CSMD1: variants seen among roughly 807,000 people sequenced by gnomAD.
CSMD1 encodes CUB and Sushi multiple domains 1.
Under a neutral mutation model 417.5 loss-of-function variants are expected in CSMD1, and 213 were observed. That is an observed-to-expected ratio of 0.51 (90% CI 0.46 to 0.57). The LOEUF is 0.57. Among genes scored for constraint, CSMD1 ranks in the 20% least tolerant of loss-of-function variants. CSMD1 has a pLI of 0.00. For missense variants in CSMD1, 6,923 were observed against 4,529.7 expected (o/e 1.53, Z -15.17); for synonymous variants, 2,862 against 1,736.8 (o/e 1.65, Z -16.11).
chr8:4,446,476 G>C (rs1170441042), intron 2 of CSMD1, among the ~76,000 whole-genome samples: 2 of 152,164 alleles, frequency 1.3e-5, no homozygotes, highest in Non-Finnish European at 2.9e-5. Flanking sequence ...GAACTTGGGA[G>C]ACTGAGGCTG....
chr8:4,693,780 C>G (rs5017467), intron 1 of CSMD1, among the ~76,000 whole-genome samples: 4 of 148,366 alleles, frequency 2.7e-5, no homozygotes, highest in African/African-American at 5.0e-5. Flanking sequence ...AGGCTCAAGC[C>G]ATTCTCCTGC....
At chr8:4,786,784 T>C (rs1450780577) in intron 1 of CSMD1, among the ~76,000 whole-genome samples, 2 of 152,186 alleles carry the variant, frequency 1.3e-5, no homozygotes, top group East Asian at 3.9e-4. Flanking sequence ...ACTTCAAGCA[T>C]GCATACATAG....
chr8:4,857,819 G>A (rs986966614), intron 1 of CSMD1, among the ~76,000 whole-genome samples: 10 of 152,000 alleles, frequency 6.6e-5, no homozygotes, highest in South Asian at 4.2e-4. Flanking sequence ...ATTCACAGCC[G>A]AATTCCACCA....
chr8:3,291,303 C>G (rs946581360), intron 25 of CSMD1, among the ~76,000 whole-genome samples: 6 of 152,096 alleles, frequency 3.9e-5, no homozygotes, highest in Non-Finnish European at 7.4e-5. Context: ...TGTTGTGTCT[C>G]TGTCAGGCTT....
At position 3,747,800 on chromosome 8, in the gene CSMD1, T is replaced by C. The variant is rs186190584; in HGVS notation, c.931+6130A>G. Among the ~76,000 whole-genome samples, 110 of 152,292 alleles carry C rather than the reference T, an allele frequency of 7.2e-4. 1 individual carries two copies. In the East Asian group the frequency reaches 0.014, roughly 20 times the overall value. On this transcript the variant is annotated intron_variant, in intron 6 of 69. Coordinates refer to ENST00000635120, the MANE Select transcript of CSMD1 (RefSeq NM_033225.6). ...CACCAATAGTGCAAAAAAAAAGTCA[T>C]TGTTTTGTTCTTTATGTTTTAAAAT...
intron 5 of CSMD1, among the ~76,000 whole-genome samples, chr8:3,771,973 C>G (rs1192602920): frequency 6.6e-6 from 1 of 151,986 alleles, no homozygotes; most frequent in Non-Finnish European, 1.5e-5. Context: ...GCAATTACAG[C>G]ATTTATCCAA....
chr8:4,703,966 T>C (rs137979201), intron 1 of CSMD1, among the ~76,000 whole-genome samples: 1 of 152,246 alleles, frequency 6.6e-6, no homozygotes, highest in East Asian at 1.9e-4. Context: ...CCCTCACACA[T>C]GCAGTTCACA....
At chr8:4,436,854 C>T (rs1054291756) in intron 2 of CSMD1, among the ~76,000 whole-genome samples, 13 of 152,168 alleles carry the variant, frequency 8.5e-5, no homozygotes, top group Non-Finnish European at 7.3e-5. Flanking sequence ...GAATCTCATC[C>T]TTTTTGTGGC....
At chr8:4,621,509 G>C (rs1341707106) in intron 2 of CSMD1, among the ~76,000 whole-genome samples, 3 of 152,050 alleles carry the variant, frequency 2.0e-5, no homozygotes, top group Non-Finnish European at 2.9e-5. Context: ...CCAGAAGAAA[G>C]AGACAATCTA....
intron 10 of CSMD1, among the ~76,000 whole-genome samples, chr8:3,561,931 G>C (rs1277490676): frequency 6.6e-6 from 1 of 152,216 alleles, no homozygotes; most frequent in Non-Finnish European, 1.5e-5. Context: ...GAGGGATGCA[G>C]ATGATCTCCC....
chr8:4,507,434 A>C (rs1020241713), intron 2 of CSMD1, among the ~76,000 whole-genome samples: 4 of 152,176 alleles, frequency 2.6e-5, no homozygotes, highest in Non-Finnish European at 5.9e-5. Context: ...CCAGTGTTTT[A>C]TGGGTGCCAG....
chr8:3,213,819 T>C (rs1213450935), intron 30 of CSMD1, among the ~76,000 whole-genome samples: 1 of 149,336 alleles, frequency 6.7e-6, no homozygotes, highest in Non-Finnish European at 1.5e-5. Flanking sequence ...TATATATATA[T>C]GTGTGTCTGT....
chr8:4,343,810 T>C (rs1800624274), intron 3 of CSMD1, among the ~76,000 whole-genome samples: 1 of 152,102 alleles, frequency 6.6e-6, no homozygotes. Flanking sequence ...GTGGAACAGT[T>C]CTGATGAGAC....
At chr8:4,316,779 C>G (rs1798961790) in intron 3 of CSMD1, among the ~76,000 whole-genome samples, 1 of 152,016 alleles carries the variant, frequency 6.6e-6, no homozygotes, top group Non-Finnish European at 1.5e-5. Context: ...TTTTCAAATC[C>G]AGAAGTAAAT....
intron 3 of CSMD1, among the ~76,000 whole-genome samples, chr8:4,280,584 GA>G (rs1796727029): frequency 6.6e-6 from 1 of 152,148 alleles, no homozygotes; most frequent in Admixed American, 6.6e-5. Context: ...GCTATGCTGG[GA>G]AAAATGGGTA....
chr8:4,121,379 G>A (rs1044243327), intron 3 of CSMD1, among the ~76,000 whole-genome samples: 1 of 152,052 alleles, frequency 6.6e-6, no homozygotes. Flanking sequence ...CCTCCCAAAG[G>A]GCTGGGATTA....
intron 23 of CSMD1, among the ~76,000 whole-genome samples, chr8:3,342,353 T>G (rs77543351): frequency 6.6e-6 from 1 of 152,214 alleles, no homozygotes. Context: ...AAGGTATCCA[T>G]CACTAACATA....
rs545417702 is a variant in CSMD1 at position 3,715,676 on chromosome 8, G to A, written c.932-7185C>T. Among the ~76,000 whole-genome samples, 17 of 152,188 alleles carry A rather than the reference G, an allele frequency of 1.1e-4. No individual in the cohort carries two copies. In the East Asian group the frequency reaches 1.5e-3, roughly 14 times the overall value. On this transcript the variant is annotated intron_variant, in intron 6 of 69. Coordinates refer to ENST00000635120, the MANE Select transcript of CSMD1 (RefSeq NM_033225.6). ...TCCTGCCTTGGCCTCCTGAGTAGCCGGGATTACAGGCACCTGCCACCAAAC... is the reference window on the plus strand; with the variant it reads ...TCCTGCCTTGGCCTCCTGAGTAGCCAGGATTACAGGCACCTGCCACCAAAC...
At chr8:3,666,158 A>G (rs1353569867) in intron 7 of CSMD1, among the ~76,000 whole-genome samples, 1 of 152,096 alleles carries the variant, frequency 6.6e-6, no homozygotes, top group African/African-American at 2.4e-5. Context: ...GGCCTCCCCA[A>G]ATGCTGGGAT....
Sources: allele counts gnomAD v4.1 joint callset (sites outside exome capture counted in the v4.1 genomes callset), GRCh38; gene constraint gnomAD v4.1.1; transcripts MANE v1.5; gene names NCBI Gene and HGNC (gene_info 2026-07-23, HGNC 2026-07-21).